DZIP1L: variants seen among roughly 807,000 people sequenced by gnomAD.
The protein encoded by DZIP1L is DAZ interacting zinc finger protein 1 like, also known as cilium assembly protein DZIP1L.
DZIP1L carries 90 observed loss-of-function variants against 88.7 expected under a neutral mutation model. The observed-to-expected ratio is 1.02, with a 90% CI of 0.86 to 1.21. DZIP1L has a LOEUF of 1.21. Ranked by LOEUF, DZIP1L falls within the 50% of genes most tolerant of loss-of-function variation. The pLI is 0.00. For missense variants in DZIP1L, 932 were observed against 955.8 expected, an observed-to-expected ratio of 0.98 and a Z score of 0.33; for synonymous variants, 363 against 372.1, an observed-to-expected ratio of 0.98 and a Z score of 0.28.
At chr3:138,080,211 G>T in intron 10 of DZIP1L, 1 of 169,856 alleles carries the variant, frequency 5.9e-6, no homozygotes. Context: ...TCAACTAGGC[G>T]AGTTATCTTC....
intron 6 of DZIP1L, 126 bp from the exon 7 acceptor site, chr3:138,087,149 C>A: frequency 1.3e-6 from 1 of 771,132 alleles, no homozygotes. Flanking sequence ...AATAGAAAAT[C>A]CAGACAAAGA....
chr3:138,081,437 T>C (rs552726675), intron 9 of DZIP1L, among the ~76,000 whole-genome samples: 1 of 152,174 alleles, frequency 6.6e-6, no homozygotes, highest in Non-Finnish European at 1.5e-5. Flanking sequence ...GCAGGCATGG[T>C]GAATTAGAAA....
intron 3 of DZIP1L, 119 bp from the exon 4 acceptor site, chr3:138,095,102 T>C (rs961779966): frequency 2.7e-6 from 4 of 1,474,608 alleles, no homozygotes; most frequent in African/African-American, 1.4e-5. Context: ...ACTTAGTACG[T>C]TGACATTGGG....
At chr3:138,112,038 C>T (rs987835712) in intron 1 of DZIP1L, among the ~76,000 whole-genome samples, 1 of 150,996 alleles carries the variant, frequency 6.6e-6, no homozygotes, top group Non-Finnish European at 1.5e-5. Flanking sequence ...AACTGTGGAA[C>T]TTGAAGATGA....
At chr3:138,087,478 A>G (rs1944000263) in intron 6 of DZIP1L, among the ~76,000 whole-genome samples, 1 of 152,252 alleles carries the variant, frequency 6.6e-6, no homozygotes, top group Non-Finnish European at 1.5e-5. Context: ...ACAAAATTGA[A>G]GGACCAACAG....
intron 15 of DZIP1L, among the ~76,000 whole-genome samples, chr3:138,064,198 G>C (rs1400570159): frequency 6.6e-6 from 1 of 152,096 alleles, no homozygotes; most frequent in Non-Finnish European, 1.5e-5. Context: ...TGCTATGCGA[G>C]GCCACTCCAG....
Position 138,062,755 on chromosome 3 carries a change from A to C in DZIP1L, c.*61T>G. On this transcript the variant is annotated 3_prime_UTR_variant, in exon 16 of 16. Transcript: ENST00000327532. ...AGAGGCCCAGCAGCCTCTTCTGTTG[A>C]AGTGGACCTGAGCTGGCCCCAGCCA... The C allele has an allele frequency of 1.3e-6, 2 of 1,585,690 alleles. No individual in the cohort carries two copies. Among genetic ancestry groups the C allele is most frequent in the Non-Finnish European group, 1.7e-6 (2 of 1,159,442 alleles).
intron 1 of DZIP1L, among the ~76,000 whole-genome samples, chr3:138,109,341 G>A (rs1163113996): frequency 6.6e-6 from 1 of 152,152 alleles, no homozygotes; most frequent in Admixed American, 6.5e-5. Flanking sequence ...AAAGAAGCTT[G>A]CCCAAGATCC....
At chr3:138,099,929 A>G (rs2107833506) in intron 2 of DZIP1L, among the ~76,000 whole-genome samples, 1 of 152,262 alleles carries the variant, frequency 6.6e-6, no homozygotes, top group Non-Finnish European at 1.5e-5. Flanking sequence ...TGCAACACTA[A>G]ACTTACTAAG....
intron 1 of DZIP1L, among the ~76,000 whole-genome samples, chr3:138,110,504 C>G (rs982510703): frequency 1.1e-4 from 16 of 152,054 alleles, no homozygotes; most frequent in Non-Finnish European, 2.1e-4. Context: ...ATGATTATCA[C>G]CATAAATCCC....
intron 3 of DZIP1L, among the ~76,000 whole-genome samples, chr3:138,095,397 C>A (rs1279069912): frequency 2.0e-5 from 3 of 152,060 alleles, no homozygotes; most frequent in Non-Finnish European, 1.5e-5. Context: ...AAGAACATAT[C>A]CATGTATCCT....
At chr3:138,113,780 C>T (rs2042652738) in intron 1 of DZIP1L, among the ~76,000 whole-genome samples, 3 of 152,200 alleles carry the variant, frequency 2.0e-5, no homozygotes, top group Admixed American at 1.3e-4. Context: ...AGCAGCGAGA[C>T]AAAGGTCCCC....
At chr3:138,068,670 T>C (rs1943027881) in intron 12 of DZIP1L, among the ~76,000 whole-genome samples, 1 of 152,102 alleles carries the variant, frequency 6.6e-6, no homozygotes, top group Admixed American at 6.5e-5. Context: ...TCAGTAGTCC[T>C]AGATGGACTT....
At chr3:138,064,199 G>T (rs754396443) in intron 15 of DZIP1L, among the ~76,000 whole-genome samples, 26 of 152,198 alleles carry the variant, frequency 1.7e-4, no homozygotes, top group South Asian at 1.2e-3. Flanking sequence ...GCTATGCGAG[G>T]CCACTCCAGT....
intron 14 of DZIP1L, 48 bp from the exon 15 acceptor site, chr3:138,064,815 G>T: frequency 1.3e-6 from 2 of 1,534,162 alleles, no homozygotes; most frequent in South Asian, 1.3e-5. Flanking sequence ...CCTAGAAAAT[G>T]AACATCTCAG....
intron 14 of DZIP1L, among the ~76,000 whole-genome samples, chr3:138,065,873 A>G (rs1189220181): frequency 6.6e-6 from 1 of 152,258 alleles, no homozygotes; most frequent in Non-Finnish European, 1.5e-5. Flanking sequence ...AAAATCTTGA[A>G]AGAATGGGAG....
At chr3:138,089,188 T>C in intron 5 of DZIP1L, 2 of 985,444 alleles carry the variant, frequency 2.0e-6, no homozygotes, top group Non-Finnish European at 2.4e-6. Context: ...TGCCTAAGTT[T>C]AACTTGATAT....
intron 14 of DZIP1L, among the ~76,000 whole-genome samples, 170 bp from the exon 15 acceptor site, chr3:138,064,937 G>T (rs944991109): frequency 6.6e-6 from 1 of 152,180 alleles, no homozygotes; most frequent in East Asian, 1.9e-4. Flanking sequence ...CAGGCCAACA[G>T]GTACCCAGTG....
At chr3:138,082,779 T>G (rs1943724808) in intron 8 of DZIP1L, among the ~76,000 whole-genome samples, 1 of 152,246 alleles carries the variant, frequency 6.6e-6, no homozygotes, top group Non-Finnish European at 1.5e-5. Flanking sequence ...CCCAGCCTTT[T>G]TTGCAGCTGT....
Sources: allele counts gnomAD v4.1 joint callset (sites outside exome capture counted in the v4.1 genomes callset), GRCh38; gene constraint gnomAD v4.1.1; transcripts MANE v1.5; gene names NCBI Gene and HGNC (gene_info 2026-07-23, HGNC 2026-07-21).